Variants in RSU1 observed in about 807,000 individuals in gnomAD.
The protein encoded by RSU1 is rsu-1.
Under a neutral mutation model 31.1 loss-of-function variants are expected in RSU1, and 26 were observed. The ratio of observed to expected loss-of-function variants is 0.84; its 90% CI spans 0.61 to 1.16. RSU1 has a LOEUF of 1.16. Among genes scored for constraint, RSU1 ranks in the 50% most tolerant of loss-of-function variants. RSU1 has a pLI of 0.00. For missense variants in RSU1, 320 were observed against 339.1 expected, an observed-to-expected ratio of 0.94 and a Z score of 0.44; for synonymous variants, 164 against 136.3, an observed-to-expected ratio of 1.20 and a Z score of -1.41.
intron 8 of RSU1, among the ~76,000 whole-genome samples, chr10:16,602,979 GA>G (rs1268732725): frequency 6.6e-6 from 1 of 151,640 alleles, no homozygotes; most frequent in Non-Finnish European, 1.5e-5. Context: ...GAGTCCTAAA[GA>G]AAAAAAATTA....
chr10:16,652,392 CAAAAAAAA>C (rs71505091), intron 8 of RSU1, among the ~76,000 whole-genome samples: 1 of 89,158 alleles, frequency 1.1e-5, no homozygotes, highest in Non-Finnish European at 2.2e-5. Context: ...TGCCCCAAAG[CAAAAAAAA>C]AAAAAAAAAA....
intron 4 of RSU1, among the ~76,000 whole-genome samples, chr10:16,762,496 G>C (rs1837229414): frequency 6.7e-6 from 1 of 149,090 alleles, no homozygotes; most frequent in Non-Finnish European, 1.5e-5. Context: ...GGGTATACAG[G>C]CTCCAAATTT....
At chr10:16,754,043 A>G (rs773711194) in intron 5 of RSU1, among the ~76,000 whole-genome samples, 1 of 152,346 alleles carries the variant, frequency 6.6e-6, no homozygotes, top group East Asian at 1.9e-4. Context: ...TTAATATAAC[A>G]TAATAAAAAT....
chr10:16,628,852 G>A (rs574461792), intron 8 of RSU1, among the ~76,000 whole-genome samples: 1 of 152,176 alleles, frequency 6.6e-6, no homozygotes, highest in East Asian at 1.9e-4. Context: ...GTCAATCAAT[G>A]TAGAATGAAT....
intron 2 of RSU1, among the ~76,000 whole-genome samples, chr10:16,812,048 C>A (rs1260560554): frequency 1.3e-5 from 2 of 152,184 alleles, no homozygotes; most frequent in African/African-American, 2.4e-5. Flanking sequence ...CAAGGGCTAG[C>A]TGGAGCGAGA....
At chr10:16,764,256 A>G in intron 4 of RSU1, 134 bp downstream of exon 4, 1 of 1,069,882 alleles carries the variant, frequency 9.3e-7, no homozygotes, top group Non-Finnish European at 1.3e-6. Context: ...AAATTTTTTT[A>G]AGACCCAAAA....
chr10:16,786,557 G>T (rs78673140), intron 2 of RSU1, among the ~76,000 whole-genome samples: 4,800 of 151,858 alleles, frequency 0.032, 179 homozygotes, highest in East Asian at 0.082. Flanking sequence ...GGGTGGGGGG[G>T]AGTCAGGTAC....
intron 2 of RSU1, among the ~76,000 whole-genome samples, chr10:16,797,642 G>A (rs1385299997): frequency 4.6e-5 from 7 of 151,294 alleles, no homozygotes; most frequent in African/African-American, 7.3e-5. Flanking sequence ...TTCAAAACAA[G>A]GTAAAAAGCC....
chr10:16,616,670 G>A (rs1250891067), intron 8 of RSU1, among the ~76,000 whole-genome samples: 1 of 152,134 alleles, frequency 6.6e-6, no homozygotes, highest in African/African-American at 2.4e-5. Flanking sequence ...TATCCACCAA[G>A]GTCAAGTAGG....
At chr10:16,788,841 G>C (rs1837853148) in intron 2 of RSU1, among the ~76,000 whole-genome samples, 2 of 152,202 alleles carry the variant, frequency 1.3e-5, no homozygotes, top group Non-Finnish European at 2.9e-5. Context: ...CTAGCTACAA[G>C]GCTGGCTTCT....
intron 8 of RSU1, among the ~76,000 whole-genome samples, chr10:16,681,550 T>C (rs1835328507): frequency 6.6e-6 from 1 of 152,130 alleles, no homozygotes; most frequent in African/African-American, 2.4e-5. Flanking sequence ...AATTTAAGAA[T>C]TAAATTGAAT....
chr10:16,651,505 T>C (rs1389058650), intron 8 of RSU1, among the ~76,000 whole-genome samples: 2 of 152,222 alleles, frequency 1.3e-5, no homozygotes, highest in Admixed American at 6.5e-5. Context: ...TATTCAAAGC[T>C]GACAAATGTT....
intron 8 of RSU1, among the ~76,000 whole-genome samples, chr10:16,645,957 C>T (rs1426107175): frequency 2.8e-5 from 1 of 36,330 alleles, no homozygotes; most frequent in Non-Finnish European, 5.1e-5. Context: ...TGTGTATATA[C>T]ATATATGTGT....
chr10:16,708,137 T>C (rs948663053), intron 7 of RSU1, among the ~76,000 whole-genome samples: 5 of 152,168 alleles, frequency 3.3e-5, no homozygotes, highest in African/African-American at 1.2e-4. Flanking sequence ...GCAGTGACCC[T>C]TGAACAACTT....
At chr10:16,739,630 TC>T (rs1836713462) in intron 7 of RSU1, among the ~76,000 whole-genome samples, 1 of 151,896 alleles carries the variant, frequency 6.6e-6, no homozygotes, top group Admixed American at 6.6e-5. Context: ...TTTCTTTCTT[TC>T]TTTTGAGATG....
At chr10:16,806,338 G>A (rs1178203351) in intron 2 of RSU1, among the ~76,000 whole-genome samples, 2 of 152,198 alleles carry the variant, frequency 1.3e-5, no homozygotes, top group African/African-American at 4.8e-5. Context: ...CAGGGTATGT[G>A]CATATGACTG....
In RSU1 at chr10:16,646,061, T is replaced by C. The variant is rs201927445; in HGVS notation, c.731+48962A>G. On this transcript the variant is annotated intron_variant, in intron 8 of 8. Coordinates refer to ENST00000345264, the MANE Select transcript of RSU1 (RefSeq NM_012425.4). ...ATATACATATATGTGTATATATATA[T>C]ACACACACACACACACACACACACA... Among the ~76,000 whole-genome samples, 149 of 78,944 alleles carry C rather than the reference T, an allele frequency of 1.9e-3. 24 individuals carry two copies. The highest frequency in any genetic ancestry group is 0.016 in the East Asian group (43 of 2,668). The allele number at this position is 78,944 out of a possible 152,430, so 51.8% of individuals were successfully genotyped here.
At chr10:16,794,666 G>C (rs1837990110) in intron 2 of RSU1, among the ~76,000 whole-genome samples, 1 of 152,192 alleles carries the variant, frequency 6.6e-6, no homozygotes, top group South Asian at 2.1e-4. Flanking sequence ...CGGGCCAGCA[G>C]AATCAGAACA....
chr10:16,658,698 T>TG (rs1011192149), intron 8 of RSU1, among the ~76,000 whole-genome samples: 3 of 152,204 alleles, frequency 2.0e-5, no homozygotes, highest in Admixed American at 2.0e-4. Flanking sequence ...ACCTCTAACC[T>TG]GGGTGACAGA....
Sources: allele counts gnomAD v4.1 joint callset (sites outside exome capture counted in the v4.1 genomes callset), GRCh38; gene constraint gnomAD v4.1.1; transcripts MANE v1.5; gene names NCBI Gene and HGNC (gene_info 2026-07-23, HGNC 2026-07-21).